Variants in CMC2 observed in about 807,000 individuals in gnomAD.
CMC2 encodes COX assembly mitochondrial protein 2 homolog.
CMC2 carries 5 observed loss-of-function variants against 7.5 expected under a neutral mutation model. The ratio of observed to expected loss-of-function variants is 0.66; its 90% CI spans 0.35 to 1.40. The LOEUF (loss-of-function observed/expected upper bound fraction) is 1.40. Among genes scored for constraint, CMC2 ranks in the 40% most tolerant of loss-of-function variants. The pLI is 0.04. For synonymous variants in CMC2, 37 were observed against 31.4 expected (o/e 1.18, Z -0.60); for missense variants, 115 against 92.3 (o/e 1.25, Z -1.01).
rs1912116402 is a variant in CMC2, at chr16:80,974,135, A to C, written c.*1958T>G. 1 of 152,270 alleles carries C rather than the reference A, an allele frequency of 6.6e-6. No individual in the cohort carries two copies. Among genetic ancestry groups the C allele is most frequent in the South Asian group, 2.1e-4 (1 of 4,830 alleles). The allele number at this position is 152,270 out of a possible 1,614,324, so 9.4% of individuals were successfully genotyped here. On this transcript the variant is annotated 3_prime_UTR_variant, in exon 4 of 4. Coordinates refer to ENST00000219400, the MANE Select transcript of CMC2 (RefSeq NM_020188.5). ...CAGTACTCCCTCCCAAGCAGGCACA[A>C]ATCAAATGCCTGAGACATCCTAGAC...
Position 80,968,915 on chromosome 16 carries a change from T to C in CMC2, c.*7178A>G, listed in dbSNP as rs1345749435. On this transcript the variant is annotated 3_prime_UTR_variant, in exon 4 of 4. Transcript: ENST00000219400. ...GATACTGAGTCTCTACGAGGAATGGTGTGAGAAACAAGAATATCACATAAA... is the reference window on the plus strand; with the variant it reads ...GATACTGAGTCTCTACGAGGAATGGCGTGAGAAACAAGAATATCACATAAA... 2 of 152,216 alleles carry C rather than the reference T, an allele frequency of 1.3e-5. No homozygotes were observed. The highest frequency in any genetic ancestry group is 2.9e-5 in the Non-Finnish European group (2 of 68,044). The allele number at this position is 152,216 out of a possible 1,614,324, so 9.4% of individuals were successfully genotyped here.
chr16:80,988,412 C>T, intron 2 of CMC2: 1 of 610,544 alleles, frequency 1.6e-6, no homozygotes, highest in East Asian at 2.8e-5. Context: ...TAAAGTATTT[C>T]TTGATGACAG....
chr16:80,994,601 A>C (rs1305244590), intron 2 of CMC2, among the ~76,000 whole-genome samples: 1 of 152,230 alleles, frequency 6.6e-6, no homozygotes, highest in East Asian at 1.9e-4. Flanking sequence ...AGCATGTCAA[A>C]ATCATTAGTC....
chr16:80,990,807 C>T (rs1967934761), intron 2 of CMC2, among the ~76,000 whole-genome samples: 1 of 152,124 alleles, frequency 6.6e-6, no homozygotes, highest in African/African-American at 2.4e-5. Flanking sequence ...CAGCCTTGAC[C>T]TCCCAGGCTC....
chr16:80,980,854 T>G, intron 3 of CMC2: 1 of 698,582 alleles, frequency 1.4e-6, no homozygotes, highest in Non-Finnish European at 2.6e-6. Flanking sequence ...CCTACTGCAC[T>G]CCAGCTTAGG....
intron 2 of CMC2, among the ~76,000 whole-genome samples, chr16:80,988,199 A>G (rs984061248): frequency 1.3e-5 from 2 of 152,044 alleles, no homozygotes; most frequent in Admixed American, 6.6e-5. Context: ...ACTTTTAATT[A>G]ACTTTTCCCC....
At chr16:80,989,645 T>C (rs1967817463) in intron 2 of CMC2, among the ~76,000 whole-genome samples, 1 of 152,100 alleles carries the variant, frequency 6.6e-6, no homozygotes, top group Non-Finnish European at 1.5e-5. Flanking sequence ...CGTATGCTCA[T>C]TGCTACAGGA....
Position 80,970,728 on chromosome 16 carries a change from G to A in CMC2, c.*5365C>T, listed in dbSNP as rs189609307. ...ATTAAGAAAGTTTGGCAAGCCTTCT[G>A]AATGTAAGATAAATATACAGAAGTC... On this transcript the variant is annotated 3_prime_UTR_variant, in exon 4 of 4. Coordinates refer to ENST00000219400, the MANE Select transcript of CMC2 (RefSeq NM_020188.5). 6.6e-6 allele frequency: 1 copy of A among 152,148 alleles called. No homozygotes were observed. The highest frequency in any genetic ancestry group is 1.5e-5 in the Non-Finnish European group (1 of 68,026). 9.4% of individuals were successfully genotyped at this position (152,148 alleles called of 1,614,324 possible). A position where few individuals can be genotyped will look rare whatever the true frequency, so the allele number is the denominator to read the frequency against.
chr16:80,995,466 C>T (rs1182651228), intron 2 of CMC2, among the ~76,000 whole-genome samples: 2 of 151,886 alleles, frequency 1.3e-5, no homozygotes, highest in African/African-American at 4.8e-5. Flanking sequence ...GACCAGCCTG[C>T]CCAACATGGT....
At chr16:81,002,684 T>C (rs946421115) in intron 1 of CMC2, among the ~76,000 whole-genome samples, 1 of 152,128 alleles carries the variant, frequency 6.6e-6, no homozygotes, top group East Asian at 1.9e-4. Flanking sequence ...ATGGTACATA[T>C]TTTCCTCCCT....
chr16:81,001,807 T>G (rs1004989044), intron 1 of CMC2, among the ~76,000 whole-genome samples: 3 of 151,782 alleles, frequency 2.0e-5, no homozygotes, highest in Non-Finnish European at 4.4e-5. Context: ...CTTATAAAAA[T>G]GCAGTAGGTC....
Position 80,970,567 on chromosome 16 carries a change from A to G in CMC2, c.*5526T>C, listed in dbSNP as rs1597200913. 6.6e-6 allele frequency: 1 copy of G among 152,254 alleles called. No individual in the cohort carries two copies. Among genetic ancestry groups the G allele is most frequent in the African/African-American group, 2.4e-5 (1 of 41,464 alleles). 9.4% of individuals were successfully genotyped at this position (152,254 alleles called of 1,614,324 possible). A position where few individuals can be genotyped will look rare whatever the true frequency, so the allele number is the denominator to read the frequency against. On this transcript the variant is annotated 3_prime_UTR_variant, in exon 4 of 4. Transcript: ENST00000219400. ...GTCTGATGTATCTATTAAACATTAT[A>G]CTGAATGTTCTAAGTACAATAAAAT...
intron 1 of CMC2, among the ~76,000 whole-genome samples, chr16:81,003,982 G>A (rs1160155609): frequency 1.3e-5 from 2 of 152,210 alleles, no homozygotes; most frequent in African/African-American, 4.8e-5. Context: ...CAGAACTTTG[G>A]CAGGCCGAGG....
In CMC2 at chr16:81,000,491, G is replaced by A. The variant is rs374273110; in HGVS notation, c.-35-3062C>T. Among the ~76,000 whole-genome samples the A allele has an allele frequency of 1.6e-4, 25 of 151,818 alleles. 1 individual carries two copies. The South Asian group carries it at 4.4e-3, about 27-fold the overall frequency. ...AGCCTAGGTAACAGAGTGAGACTCC[G>A]TCTCGAAAAAACAAAACAAATAAAC... On this transcript the variant is annotated intron_variant, in intron 1 of 3. Transcript: ENST00000219400.
chr16:81,004,529 C>T (rs538087303), intron 1 of CMC2, among the ~76,000 whole-genome samples: 1 of 152,156 alleles, frequency 6.6e-6, no homozygotes, highest in South Asian at 2.1e-4. Flanking sequence ...TCCACCACCT[C>T]CCTCCTCAAT....
At position 81,000,013 on chromosome 16, in the gene CMC2, T is replaced by C. The variant is rs538081869; in HGVS notation, c.-35-2584A>G. ...TCGGAAGAGAATTAGGACTAAGTAC[T>C]CAAACACAATTACAACAAAAACTGA... On this transcript the variant is annotated intron_variant, in intron 1 of 3. Transcript: ENST00000219400. 6.8e-4 allele frequency among the ~76,000 whole-genome samples: 103 copies of C among 152,216 alleles called. No homozygotes were observed. In the South Asian group the frequency reaches 9.7e-3, roughly 14 times the overall value.
chr16:80,989,554 C>A (rs1468844820), intron 2 of CMC2, among the ~76,000 whole-genome samples: 2 of 152,164 alleles, frequency 1.3e-5, no homozygotes, highest in Non-Finnish European at 2.9e-5. Flanking sequence ...CCAGCCCTAG[C>A]CCTACAATCA....
intron 3 of CMC2, among the ~76,000 whole-genome samples, chr16:80,977,793 C>T (rs1912601584): frequency 6.6e-6 from 1 of 152,102 alleles, no homozygotes; most frequent in African/African-American, 2.4e-5. Flanking sequence ...TACTTCAGGC[C>T]GGGTGCGGTG....
chr16:81,000,297 A>C (rs1317413698), intron 1 of CMC2, among the ~76,000 whole-genome samples: 2 of 152,136 alleles, frequency 1.3e-5, no homozygotes, highest in African/African-American at 4.8e-5. Flanking sequence ...GGAGTTCGAG[A>C]CCAGCCTGGC....
Sources: gnomAD v4.1 joint callset for allele counts (sites outside exome capture counted in the v4.1 genomes callset) on GRCh38, gnomAD v4.1.1 for gene constraint, MANE v1.5 for transcripts, NCBI Gene and HGNC (gene_info 2026-07-23, HGNC 2026-07-21) for gene names.